Variants in RPS6KC1 observed in about 807,000 individuals in gnomAD.
RPS6KC1 encodes the protein inactive ribosomal protein S6 kinase delta-1.
Under a neutral mutation model 103.8 loss-of-function variants are expected in RPS6KC1, and 54 were observed. That is an observed-to-expected ratio of 0.52 (90% CI 0.42 to 0.65). The LOEUF is 0.65. Ranked by LOEUF, RPS6KC1 falls within the 30% of genes least tolerant of loss-of-function variation. RPS6KC1 has a pLI of 0.00. For synonymous variants in RPS6KC1, 439 were observed against 438.7 expected (o/e 1.00, Z -0.01); for missense variants, 1,151 against 1,253.8 (o/e 0.92, Z 1.24).
At chr1:213,181,060 G>C (rs1408932978) in intron 8 of RPS6KC1, among the ~76,000 whole-genome samples, 1 of 152,142 alleles carries the variant, frequency 6.6e-6, no homozygotes, top group Non-Finnish European at 1.5e-5. Context: ...GAGACTCTTT[G>C]TACTGCAGCC....
At chr1:213,812,254 AAGAC>A in the RPS6KC1 span, among the ~76,000 whole-genome samples, 1 of 152,080 alleles carries the variant, frequency 6.6e-6, no homozygotes, top group Non-Finnish European at 1.5e-5. Context: ...GGAAGGAAGA[AAGAC>A]AGGCTTCATA....
At chr1:213,325,477 C>G in the RPS6KC1 span, among the ~76,000 whole-genome samples, 4 of 152,224 alleles carry the variant, frequency 2.6e-5, no homozygotes, top group Non-Finnish European at 5.9e-5. Flanking sequence ...CAGGGAATAG[C>G]CCCAGCAGGC....
At chr1:213,404,478 T>G in the RPS6KC1 span, among the ~76,000 whole-genome samples, 1 of 152,206 alleles carries the variant, frequency 6.6e-6, no homozygotes, top group South Asian at 2.1e-4. Flanking sequence ...CTTACATTCC[T>G]CCTCCCCTCC....
chr1:213,447,973 G>A, the RPS6KC1 span, among the ~76,000 whole-genome samples: 5 of 152,212 alleles, frequency 3.3e-5, no homozygotes, highest in Middle Eastern at 3.4e-3. Context: ...GCTCATGCCT[G>A]TAATCCCAAC....
chr1:213,614,273 G>A, the RPS6KC1 span, among the ~76,000 whole-genome samples: 1 of 152,234 alleles, frequency 6.6e-6, no homozygotes, highest in Admixed American at 6.5e-5. Context: ...GATGTGAGGA[G>A]ACCTAGACCA....
intron 4 of RPS6KC1, among the ~76,000 whole-genome samples, chr1:213,114,949 GT>G: frequency 6.6e-6 from 1 of 152,258 alleles, no homozygotes; most frequent in South Asian, 2.1e-4. Context: ...GCTGGATTTG[GT>G]TTGCCAGTAT....
the RPS6KC1 span, among the ~76,000 whole-genome samples, chr1:213,677,553 T>C: frequency 6.6e-6 from 1 of 152,174 alleles, no homozygotes; most frequent in Non-Finnish European, 1.5e-5. Flanking sequence ...GAACTCCCCA[T>C]GTGGCATTAA....
the RPS6KC1 span, among the ~76,000 whole-genome samples, chr1:213,364,087 A>G: frequency 6.6e-6 from 1 of 152,110 alleles, no homozygotes; most frequent in Admixed American, 6.5e-5. Context: ...TGTGGGCCAT[A>G]CAGTCTCTGT....
intron 1 of RPS6KC1, among the ~76,000 whole-genome samples, chr1:213,066,990 G>C: frequency 6.6e-6 from 1 of 152,118 alleles, no homozygotes; most frequent in Non-Finnish European, 1.5e-5. Flanking sequence ...ATACATACCA[G>C]ATTGCCTCAT....
At chr1:213,213,939 C>T (rs1312109486) in intron 8 of RPS6KC1, among the ~76,000 whole-genome samples, 1 of 152,236 alleles carries the variant, frequency 6.6e-6, no homozygotes, top group African/African-American at 2.4e-5. Flanking sequence ...GTCTACAGCT[C>T]CCAGCATGAG....
At chr1:213,056,462 T>C (rs77358546) in intron 1 of RPS6KC1, among the ~76,000 whole-genome samples, 5,192 of 152,300 alleles carry the variant, frequency 0.034, 122 homozygotes, top group Middle Eastern at 0.054. Flanking sequence ...GGGACACCTA[T>C]GTGTCCCCAC....
intron 5 of RPS6KC1, among the ~76,000 whole-genome samples, chr1:213,129,285 T>A (rs1046410902): frequency 2.6e-5 from 4 of 152,196 alleles, no homozygotes; most frequent in African/African-American, 9.6e-5. Context: ...CCAAACTAGA[T>A]AAAGATTTGT....
intron 8 of RPS6KC1, among the ~76,000 whole-genome samples, chr1:213,194,823 C>G (rs2092880728): frequency 6.6e-6 from 1 of 152,210 alleles, no homozygotes; most frequent in Non-Finnish European, 1.5e-5. Flanking sequence ...GAGAAATTGT[C>G]TGAGGTGGAA....
chr1:213,407,246 AC>A, the RPS6KC1 span, among the ~76,000 whole-genome samples: 11 of 149,468 alleles, frequency 7.4e-5, no homozygotes, highest in Non-Finnish European at 1.2e-4. Flanking sequence ...ACACACACAC[AC>A]GCAGAGAGAG....
chr1:213,808,452 T>C, the RPS6KC1 span, among the ~76,000 whole-genome samples: 1 of 152,250 alleles, frequency 6.6e-6, no homozygotes. Context: ...GCTTCCTGGC[T>C]GCTTTGTTTA....
the RPS6KC1 span, among the ~76,000 whole-genome samples, chr1:213,333,837 A>C: frequency 3.3e-5 from 5 of 151,882 alleles, no homozygotes; most frequent in Non-Finnish European, 7.4e-5. Context: ...ACCCACCACC[A>C]CGCCTGGCTA....
chr1:213,523,468 A>G, the RPS6KC1 span, among the ~76,000 whole-genome samples: 1 of 152,242 alleles, frequency 6.6e-6, no homozygotes, highest in Non-Finnish European at 1.5e-5. Context: ...TCTAAAAAAT[A>G]CAATGTCTGC....
At chr1:213,852,660 C>T in the RPS6KC1 span, among the ~76,000 whole-genome samples, 1 of 152,110 alleles carries the variant, frequency 6.6e-6, no homozygotes, top group Admixed American at 6.6e-5. Flanking sequence ...CATTTTTAAG[C>T]ACTCTGTTAA....
At chr1:213,288,489 T>A in the RPS6KC1 span, among the ~76,000 whole-genome samples, 19 of 152,382 alleles carry the variant, frequency 1.2e-4, 1 homozygote, top group Middle Eastern at 0.02. Context: ...CCCATTTTTA[T>A]TAGTTTCCTG....
Sources: gnomAD v4.1 joint callset for allele counts (sites outside exome capture counted in the v4.1 genomes callset) on GRCh38, gnomAD v4.1.1 for gene constraint, MANE v1.5 for transcripts, NCBI Gene and HGNC (gene_info 2026-07-23, HGNC 2026-07-21) for gene names.